The following STK32B variants were observed in gnomAD, a reference collection of about 807,000 sequenced individuals.
STK32B encodes serine/threonine-protein kinase 32B.
STK32B carries 43 observed loss-of-function variants against 52.6 expected under a neutral mutation model. The ratio of observed to expected loss-of-function variants is 0.82; its 90% confidence interval spans 0.64 to 1.05. The LOEUF (loss-of-function observed/expected upper bound fraction) is 1.05, where lower values mean the gene tolerates loss of function less well. Among genes scored for constraint, STK32B ranks in the 50% least tolerant of loss-of-function variants. The pLI is 0.00. For missense variants in STK32B, 621 were observed against 534.6 expected, an observed-to-expected ratio of 1.16 and a Z score of -1.59; for synonymous variants, 238 against 204.3, an observed-to-expected ratio of 1.17 and a Z score of -1.41.
intron 4 of STK32B, among the ~76,000 whole-genome samples, chr4:5,387,519 C>T (rs1736336046): frequency 6.6e-6 from 1 of 152,164 alleles, no homozygotes; most frequent in Non-Finnish European, 1.5e-5. Flanking sequence ...GATGCCCAAA[C>T]TGAGAGGTGA....
At chr4:5,129,817 T>C (rs1215096674) in intron 1 of STK32B, among the ~76,000 whole-genome samples, 1 of 152,208 alleles carries the variant, frequency 6.6e-6, no homozygotes, top group African/African-American at 2.4e-5. Flanking sequence ...TCATTGCAAA[T>C]GTGTACAGCC....
At chr4:5,440,943 C>G (rs963574198) in intron 6 of STK32B, among the ~76,000 whole-genome samples, 3 of 150,622 alleles carry the variant, frequency 2.0e-5, no homozygotes, top group Non-Finnish European at 4.4e-5. Context: ...CCTTGCATCC[C>G]AGGGATGAAG....
intron 4 of STK32B, among the ~76,000 whole-genome samples, chr4:5,379,920 T>G (rs923603367): frequency 2.0e-5 from 3 of 152,212 alleles, no homozygotes; most frequent in African/African-American, 7.2e-5. Context: ...ATCACCTTGC[T>G]TTGGGATCAC....
At chr4:5,474,366 G>A (rs1718073748) in intron 11 of STK32B, among the ~76,000 whole-genome samples, 1 of 152,174 alleles carries the variant, frequency 6.6e-6, no homozygotes, top group Admixed American at 6.5e-5. Flanking sequence ...GCCTCTCTGA[G>A]CCTCGGACTT....
intron 11 of STK32B, among the ~76,000 whole-genome samples, chr4:5,480,591 T>C (rs1274517420): frequency 6.6e-6 from 1 of 152,136 alleles, no homozygotes; most frequent in African/African-American, 2.4e-5. Context: ...TTTTTTTTTC[T>C]TTCATTATAC....
rs1005633850 is a variant in STK32B, at chr4:5,469,985, G to A, written c.1106+1915G>A. Among the ~76,000 whole-genome samples, 1 of 152,124 alleles carries A rather than the reference G, an allele frequency of 6.6e-6. No homozygotes were observed. Among genetic ancestry groups the A allele is most frequent in the Non-Finnish European group, 1.5e-5 (1 of 68,026 alleles). ...CTTCATTCTCTGTGTGTGGGCCGTG[G>A]AGTCCAATGAGAGCAGCTGCTGGCA... On this transcript the variant is annotated intron_variant, in intron 11 of 11. Coordinates refer to ENST00000282908, the MANE Select transcript of STK32B (RefSeq NM_018401.3). This position sits in a 1 kb window ranked among gnomAD's most constrained non-coding sequence, Gnocchi z 4.7.
intron 3 of STK32B, among the ~76,000 whole-genome samples, chr4:5,245,681 A>G (rs1725393616): frequency 6.6e-6 from 1 of 152,090 alleles, no homozygotes. Context: ...TGGTCTTTAC[A>G]ATTTGGCATG....
At chr4:5,118,994 G>A (rs1714884095) in intron 1 of STK32B, among the ~76,000 whole-genome samples, 2 of 152,072 alleles carry the variant, frequency 1.3e-5, no homozygotes, top group South Asian at 4.2e-4. Flanking sequence ...TGGACGTTTT[G>A]TTTTCCTAAT....
rs529229410 is a variant in STK32B, at chr4:5,404,673, A to G, written c.472+6429A>G. Among the ~76,000 whole-genome samples the G allele has an allele frequency of 1.3e-4, 19 of 151,118 alleles. 1 individual carries two copies. Among genetic ancestry groups the G allele is most frequent in the African/African-American group, 4.4e-4 (18 of 41,036 alleles). ...CCAACCTCCGAGAAATCATCATCCC[A>G]CTCAGGCGTGTTACCCTCCTCGCTC... On this transcript the variant is annotated intron_variant, in intron 5 of 11. Coordinates refer to ENST00000282908, the MANE Select transcript of STK32B (RefSeq NM_018401.3).
intron 4 of STK32B, among the ~76,000 whole-genome samples, chr4:5,338,021 T>C (rs1732820720): frequency 6.6e-6 from 1 of 152,156 alleles, no homozygotes; most frequent in African/African-American, 2.4e-5. Flanking sequence ...TAGAAGTCTA[T>C]CATTTAGAGA....
the STK32B span, among the ~76,000 whole-genome samples, chr4:5,028,071 A>G: frequency 6.6e-6 from 1 of 152,200 alleles, no homozygotes; most frequent in African/African-American, 2.4e-5. Context: ...TCCCTGGCAA[A>G]TGAAAGAGTC....
At chr4:5,120,253 T>A (rs1298306125) in intron 1 of STK32B, among the ~76,000 whole-genome samples, 1 of 152,090 alleles carries the variant, frequency 6.6e-6, no homozygotes, top group Admixed American at 6.6e-5. Flanking sequence ...CTGAATCAGA[T>A]TGATTGATAC....
chr4:5,311,902 T>A (rs867356161), intron 3 of STK32B, among the ~76,000 whole-genome samples: 3 of 137,594 alleles, frequency 2.2e-5, no homozygotes, highest in African/African-American at 6.1e-5. Flanking sequence ...GTGCATACTT[T>A]TATATATATA....
chr4:5,195,993 T>C (rs1035415885), intron 3 of STK32B, among the ~76,000 whole-genome samples: 4 of 152,230 alleles, frequency 2.6e-5, no homozygotes, highest in African/African-American at 9.6e-5. Context: ...AATTCTAACC[T>C]TACACTGTTA....
intron 3 of STK32B, among the ~76,000 whole-genome samples, chr4:5,208,673 C>T (rs1722723817): frequency 6.6e-6 from 1 of 152,058 alleles, no homozygotes; most frequent in South Asian, 2.1e-4. Flanking sequence ...GATTTCCACC[C>T]ATGTCATCCT....
At chr4:5,377,796 C>T (rs1735678242) in intron 4 of STK32B, among the ~76,000 whole-genome samples, 1 of 152,184 alleles carries the variant, frequency 6.6e-6, no homozygotes, top group Non-Finnish European at 1.5e-5. Context: ...GCCTCTTCCC[C>T]ATCTGCCATG....
At chr4:5,435,125 GT>G (rs1713942954) in intron 6 of STK32B, among the ~76,000 whole-genome samples, 2 of 152,222 alleles carry the variant, frequency 1.3e-5, no homozygotes, top group South Asian at 4.1e-4. Context: ...CATGATGGCA[GT>G]TACAGTTGGC....
chr4:5,250,822 T>C (rs986931988), intron 3 of STK32B, among the ~76,000 whole-genome samples: 1 of 152,222 alleles, frequency 6.6e-6, no homozygotes, highest in African/African-American at 2.4e-5. Flanking sequence ...TGAGTGATGT[T>C]GAACATTTTT....
chr4:5,246,150 T>C (rs1725435381), intron 3 of STK32B, among the ~76,000 whole-genome samples: 1 of 152,230 alleles, frequency 6.6e-6, no homozygotes, highest in Non-Finnish European at 1.5e-5. Context: ...TTCTCTTGGA[T>C]AATATCCTGC....
Sources: gnomAD v4.1 joint callset for allele counts (sites outside exome capture counted in the v4.1 genomes callset) on GRCh38, gnomAD v4.1.1 for gene constraint, Gnocchi (gnomAD v3.1) non-coding constraint, MANE v1.5 for transcripts, NCBI Gene and HGNC (gene_info 2026-07-23, HGNC 2026-07-21) for gene names.